The following CEP290 variants were observed in gnomAD, a reference collection of about 807,000 sequenced individuals.
The protein encoded by CEP290 is centrosomal protein of 290 kDa.
A neutral mutation model predicts 344.9 loss-of-function variants in CEP290; 317 were observed. That is an observed-to-expected ratio of 0.92 (90% CI 0.84 to 1.01). The LOEUF (loss-of-function observed/expected upper bound fraction) is 1.01, where lower values mean the gene tolerates loss of function less well. Ranked by LOEUF, CEP290 falls within the 50% of genes least tolerant of loss-of-function variation. CEP290 has a pLI of 0.00. For synonymous variants in CEP290, 932 were observed against 895.8 expected (o/e 1.04, Z -0.72); for missense variants, 2,754 against 2,761.4 (o/e 1.00, Z 0.06).
chr12:88,088,009 A>G, intron 31 of CEP290, 65 bp from the exon 32 acceptor site: 1 of 622,206 alleles, frequency 1.6e-6, no homozygotes, highest in Non-Finnish European at 2.4e-6. Context: ...TCCTCCATTG[A>G]TGATAATGAT....
chr12:88,120,036 T>C (rs2039306351), intron 15 of CEP290, 78 bp downstream of exon 15: 2 of 906,482 alleles, frequency 2.2e-6, no homozygotes, highest in East Asian at 3.1e-5. Context: ...TAATAAATAA[T>C]AATAAACAAA....
At chr12:88,094,287 A>T (rs1355072833) in intron 27 of CEP290, among the ~76,000 whole-genome samples, 4 of 152,100 alleles carry the variant, frequency 2.6e-5, no homozygotes, top group African/African-American at 7.2e-5. Flanking sequence ...AAGAAATTTT[A>T]AAAATGGCAA....
chr12:88,078,092 T>A (rs1300661541), intron 39 of CEP290, among the ~76,000 whole-genome samples, 174 bp from the exon 40 acceptor site: 4 of 150,138 alleles, frequency 2.7e-5, no homozygotes, highest in African/African-American at 9.8e-5. Flanking sequence ...TCATGTCAAG[T>A]CTACCTTGAG....
At chr12:88,059,551 G>C (rs989703478) in intron 48 of CEP290, among the ~76,000 whole-genome samples, 4 of 152,136 alleles carry the variant, frequency 2.6e-5, no homozygotes, top group African/African-American at 4.8e-5. Context: ...GGGACTACAG[G>C]CGCCCGCCAC....
chr12:88,111,946 T>C lies in CEP290; in HGVS notation c.2053-88A>G, dbSNP rs900607036. On this transcript the variant is annotated intron_variant, in intron 20 of 53. Coordinates refer to ENST00000552810, the MANE Select transcript of CEP290 (RefSeq NM_025114.4). ...AGTCTGTCTTTAAATAAAATGGACA[T>C]TTAAGCATTTTCCTATTTTCATTGC... 2.6e-5 allele frequency: 24 copies of C among 912,336 alleles called. No homozygotes were observed. The African/African-American group carries it at 3.0e-4, about 11-fold the overall frequency. 56.5% of individuals were successfully genotyped at this position (912,336 alleles called of 1,614,324 possible).
intron 10 of CEP290, 75 bp from the exon 11 acceptor site, chr12:88,129,110 T>TACATTATATATATAAATATATCTACATAC (rs2039908115): frequency 4.4e-6 from 3 of 679,514 alleles, no homozygotes; most frequent in African/African-American, 1.9e-5. Flanking sequence ...TATTTACATA[T>TACATTATATATATAAATATATCTACATAC]ACATTATATA....
Position 88,141,313 on chromosome 12 carries a change from A to G in CEP290, c.-6T>C. The G allele has an allele frequency of 6.3e-7, 1 of 1,594,610 alleles. No homozygotes were observed. Among genetic ancestry groups the G allele is most frequent in the Non-Finnish European group, 8.6e-7 (1 of 1,164,310 alleles). On this transcript the variant is annotated 5_prime_UTR_variant, in exon 2 of 54. Transcript: ENST00000552810. ...CAGTTTATATTAGGTGGCATCTTGA[A>G]TTCTTTCACTGTGCTCCACCTCTGT...
chr12:88,136,825 A>G (rs776192346), intron 5 of CEP290, 39 bp from the exon 6 acceptor site: 1 of 1,591,988 alleles, frequency 6.3e-7, no homozygotes, highest in East Asian at 2.2e-5. Flanking sequence ...TAATCCCATT[A>G]TATTTTGAGG....
At position 88,080,213 on chromosome 12, in the gene CEP290, C is replaced by T. The variant is rs1246680001; in HGVS notation, c.5195G>A (p.Ser1732Asn). The change falls in exon 38 of 54, where the codon AGC (serine) becomes AAC (asparagine). Residue 1732 changes from serine to asparagine, a missense_variant. Physicochemically the swap from Ser to Asn is conservative, Grantham distance 46. Coordinates refer to ENST00000552810, the MANE Select transcript of CEP290 (RefSeq NM_025114.4). Reference protein sequence around the residue: ...TMRNLVERLKSQLALKEKQQK... With the variant: ...TMRNLVERLKNQLALKEKQQK... The stretch of plus-strand genomic sequence containing the variant: ...TTGTTTCTCCTTCAAGGCTAATTGG[C>T]TCTTTAGCCGTTCTACTAGATTTCT... The T allele has an allele frequency of 6.2e-7, 1 of 1,611,102 alleles. No individual in the cohort carries two copies. Among genetic ancestry groups the T allele is most frequent in the Admixed American group, 1.7e-5 (1 of 59,610 alleles).
At chr12:88,100,918 ACTCAGCTAGTTC>A (rs1301683888) in intron 26 of CEP290, among the ~76,000 whole-genome samples, 4 of 152,060 alleles carry the variant, frequency 2.6e-5, no homozygotes, top group East Asian at 1.9e-4. Context: ...TGGTCAGAAA[ACTCAGCTAGTTC>A]ATCTCTTGCT....
chr12:88,063,958 C>A, intron 45 of CEP290, 23 bp downstream of exon 45: 1 of 1,565,982 alleles, frequency 6.4e-7, no homozygotes, highest in Non-Finnish European at 8.7e-7. Context: ...ATTAGATTTC[C>A]TAATAAAAAA....
intron 27 of CEP290, 56 bp downstream of exon 27, chr12:88,096,832 G>T: frequency 2.3e-6 from 2 of 876,628 alleles, no homozygotes; most frequent in Non-Finnish European, 3.5e-6. Flanking sequence ...CTTTAAATAA[G>T]AAATATTCAT....
At chr12:88,139,283 T>C (rs1166214474) in intron 4 of CEP290, 92 bp from the exon 5 acceptor site, 4 of 625,156 alleles carry the variant, frequency 6.4e-6, no homozygotes, top group African/African-American at 3.8e-5. Flanking sequence ...ATTAATTCTT[T>C]TAAAAGAGTC....
In CEP290 at chr12:88,092,767, A is replaced by T. The variant is rs746874509; in HGVS notation, c.3375T>A (p.Ser1125Arg). Residue 1125 changes from serine (S) to arginine (R), a missense_variant, in exon 29 of 54, where the codon AGT (serine) becomes AGA (arginine). Transcript: ENST00000552810. ...CAGCATCACTTACTGCCTTGCTCAC[A>T]CTATCAGCTAATTCATCTCTTAACA... The part of the protein sequence containing the change: ...EQMLRDELAD[S>R]VSKAVSDADR... The T allele has an allele frequency of 1.4e-5, 23 of 1,610,458 alleles. No homozygotes were observed. In the African/African-American group the frequency reaches 2.9e-4, roughly 21 times the overall value.
rs993016017 is a variant in CEP290, at chr12:88,111,366, C to T, written c.2218-15G>A. 1.3e-6 allele frequency: 2 copies of T among 1,556,326 alleles called. No homozygotes were observed. The highest frequency in any genetic ancestry group is 1.7e-6 in the Non-Finnish European group (2 of 1,152,696). ...AGATGGTCTATCTGGAAAAAAAAAT[C>T]CAGCAATGAGAATCACAACTCTTAC... On this transcript the variant is annotated splice_polypyrimidine_tract_variant and intron_variant, in intron 21 of 53. Coordinates refer to ENST00000552810, the MANE Select transcript of CEP290 (RefSeq NM_025114.4).
rs781580295 is a variant in CEP290, at chr12:88,096,970, C to T, written c.3021G>A (p.Val1007=). The change falls in exon 27 of 54, where the codon GTG becomes GTA. Residue 1007 remains valine (V), a synonymous_variant. Transcript: ENST00000552810. ...TCTCCAGTTCTTTATTTATAGACTCCACTTGTTCTTTTAAGGAGATGTTTT... is the reference window on the plus strand; with the variant it reads ...TCTCCAGTTCTTTATTTATAGACTCTACTTGTTCTTTTAAGGAGATGTTTT... ...ECENISLKEQ[V]ESINKELEIT... 1.3e-6 allele frequency: 2 copies of T among 1,565,990 alleles called. No homozygotes were observed. The highest frequency in any genetic ancestry group is 1.2e-5 in the South Asian group (1 of 84,528).
At chr12:88,085,187 C>A (rs1258512637) in intron 34 of CEP290, among the ~76,000 whole-genome samples, 5 of 151,932 alleles carry the variant, frequency 3.3e-5, no homozygotes, top group Non-Finnish European at 7.4e-5. Context: ...TAAATTATTT[C>A]TTTTATTTTG....
intron 28 of CEP290, 82 bp downstream of exon 28, chr12:88,093,688 C>A: frequency 9.7e-7 from 1 of 1,034,102 alleles, no homozygotes; most frequent in Non-Finnish European, 1.4e-6. Context: ...GAGATCCAGA[C>A]AAACCACTTA....
intron 50 of CEP290, 40 bp downstream of exon 50, chr12:88,055,536 T>C: frequency 6.7e-7 from 1 of 1,498,904 alleles, no homozygotes; most frequent in Non-Finnish European, 9.0e-7. Context: ...TGCGATATTA[T>C]GCATTATTTT....
Sources: gnomAD v4.1 joint callset for allele counts (sites outside exome capture counted in the v4.1 genomes callset) on GRCh38, gnomAD v4.1.1 for gene constraint, MANE v1.5 for transcripts, NCBI Gene and HGNC (gene_info 2026-07-23, HGNC 2026-07-21) for gene names.